Variants in ANKS1B observed in about 807,000 individuals in gnomAD.
ANKS1B encodes ankyrin repeat and sterile alpha motif domain-containing protein 1B.
A neutral mutation model predicts 148.3 loss-of-function variants in ANKS1B; 36 were observed. That is an observed-to-expected ratio of 0.24 (90% CI 0.19 to 0.32). ANKS1B has a LOEUF of 0.32. Among genes scored for constraint, ANKS1B ranks in the 10% least tolerant of loss-of-function variants. The pLI, the probability that ANKS1B is intolerant of heterozygous loss-of-function variation, is 1.00. For missense variants in ANKS1B, 1,157 were observed against 1,542.6 expected (o/e 0.75, Z 4.19); for synonymous variants, 542 against 560.8 (o/e 0.97, Z 0.47).
chr12:98,906,005 TA>T (rs1309858664), intron 17 of ANKS1B, among the ~76,000 whole-genome samples: 4 of 152,212 alleles, frequency 2.6e-5, no homozygotes, highest in African/African-American at 9.7e-5. Context: ...AGTGTTCCCT[TA>T]GAATGGAAAT....
chr12:98,742,892 A>AGAC (rs1223508583), downstream of ANKS1B, among the ~76,000 whole-genome samples: 5 of 152,228 alleles, frequency 3.3e-5, no homozygotes, highest in Admixed American at 3.3e-4. Context: ...TGCTGCATGT[A>AGAC]GACTCTGTGC....
chr12:99,632,727 CTATA>C (rs3081654), intron 9 of ANKS1B, among the ~76,000 whole-genome samples: 422 of 39,004 alleles, frequency 0.011, 9 homozygotes, highest in East Asian at 0.04. Context: ...CCTTTTCTTT[CTATA>C]TATATATATA....
intron 12 of ANKS1B, among the ~76,000 whole-genome samples, chr12:99,370,623 TA>T (rs1232912063): frequency 9.9e-5 from 15 of 152,200 alleles, no homozygotes; most frequent in Admixed American, 8.5e-4. Flanking sequence ...AATTGTTTGT[TA>T]ATAAGTACCT....
chr12:99,323,209 T>C (rs2085645314), intron 12 of ANKS1B, among the ~76,000 whole-genome samples: 1 of 152,226 alleles, frequency 6.6e-6, no homozygotes, highest in South Asian at 2.1e-4. Context: ...ATCTGTTCTA[T>C]TATGCTTCAT....
chr12:99,188,980 A>G (rs2080269210), intron 14 of ANKS1B, among the ~76,000 whole-genome samples: 3 of 152,212 alleles, frequency 2.0e-5, no homozygotes, highest in African/African-American at 7.2e-5. Context: ...GAATAATCAA[A>G]TAGACGCAAT....
At chr12:99,587,346 G>A (rs1567415419) in intron 9 of ANKS1B, among the ~76,000 whole-genome samples, 1 of 152,054 alleles carries the variant, frequency 6.6e-6, no homozygotes, top group Non-Finnish European at 1.5e-5. Context: ...AATATAAGCT[G>A]CAAAAAAGTA....
intron 12 of ANKS1B, among the ~76,000 whole-genome samples, chr12:99,332,264 GTTTGAGAAGCACTGA>G (rs1467773280): frequency 2.0e-5 from 3 of 152,026 alleles, no homozygotes; most frequent in Non-Finnish European, 4.4e-5. Context: ...GCACATTAAA[GTTTGAGAAGCACTGA>G]TCTACAACAT....
intron 17 of ANKS1B, among the ~76,000 whole-genome samples, chr12:98,976,938 T>C (rs898324433): frequency 6.6e-6 from 1 of 152,336 alleles, no homozygotes; most frequent in South Asian, 2.1e-4. Context: ...TTTCTTTTCA[T>C]GTCAGGTACA....
At chr12:99,078,616 A>C (rs947653003) in intron 16 of ANKS1B, among the ~76,000 whole-genome samples, 1 of 152,206 alleles carries the variant, frequency 6.6e-6, no homozygotes, top group Non-Finnish European at 1.5e-5. Flanking sequence ...GCCCAAGGAA[A>C]TAAAGGGTGT....
intron 10 of ANKS1B, among the ~76,000 whole-genome samples, chr12:99,452,077 T>C (rs2095750072): frequency 2.6e-5 from 4 of 152,114 alleles, no homozygotes; most frequent in Admixed American, 2.6e-4. Flanking sequence ...ATTTTTTCTG[T>C]AAAGGGCCAG....
At chr12:99,738,346 A>T (rs2059797792) in intron 8 of ANKS1B, among the ~76,000 whole-genome samples, 1 of 152,164 alleles carries the variant, frequency 6.6e-6, no homozygotes, top group African/African-American at 2.4e-5. Flanking sequence ...ATTACCAGGA[A>T]CAATACAGAA....
intron 17 of ANKS1B, among the ~76,000 whole-genome samples, chr12:98,851,999 G>A (rs1259547161): frequency 8.9e-5 from 11 of 123,938 alleles, no homozygotes; most frequent in African/African-American, 3.3e-4. Flanking sequence ...ACTCCAGCCT[G>A]GTGACAGAGC....
In ANKS1B at chr12:99,467,191, G is replaced by C. The variant is rs571490731; in HGVS notation, c.1439-23382C>G. 1.1e-4 allele frequency among the ~76,000 whole-genome samples: 16 copies of C among 152,072 alleles called. No individual in the cohort carries two copies. The South Asian group carries it at 2.9e-3, about 28-fold the overall frequency. ...TAAACAGAACCAAAGACAAAAACCA[G>C]GTGATTATCTCAATAGATGCAGAAA... On this transcript the variant is annotated intron_variant, in intron 10 of 26. Coordinates refer to ENST00000683438, the MANE Select transcript of ANKS1B (RefSeq NM_001352186.2).
chr12:99,223,274 T>C (rs563496653), intron 14 of ANKS1B, among the ~76,000 whole-genome samples: 10 of 152,218 alleles, frequency 6.6e-5, no homozygotes, highest in Non-Finnish European at 1.3e-4. Context: ...ACCGGTGTTA[T>C]GGAAGACAAT....
At chr12:99,792,058 G>C (rs2065721565) in intron 4 of ANKS1B, among the ~76,000 whole-genome samples, 1 of 151,770 alleles carries the variant, frequency 6.6e-6, no homozygotes, top group African/African-American at 2.4e-5. Context: ...AATGAAAAAG[G>C]AGACATTACA....
intron 15 of ANKS1B, among the ~76,000 whole-genome samples, chr12:99,091,292 A>G (rs1339353613): frequency 1.3e-5 from 2 of 152,282 alleles, no homozygotes; most frequent in Admixed American, 6.5e-5. Flanking sequence ...TTGAAACCCA[A>G]TTCCCCTTTG....
rs567203892 is a variant in ANKS1B at position 99,632,367 on chromosome 12, T to C, written c.1272+22700A>G. Among the ~76,000 whole-genome samples the C allele has an allele frequency of 3.3e-5, 5 of 151,998 alleles. No individual in the cohort carries two copies. In the South Asian group the frequency reaches 1.0e-3, roughly 32 times the overall value. ...AGGAGTGACCACAGACAGCCCCTGCTAGAGCAAGAAAAAGTGGAAATGTGG... is the reference window on the plus strand; with the variant it reads ...AGGAGTGACCACAGACAGCCCCTGCCAGAGCAAGAAAAAGTGGAAATGTGG... On this transcript the variant is annotated intron_variant, in intron 9 of 26. Transcript: ENST00000683438.
intron 1 of ANKS1B, among the ~76,000 whole-genome samples, chr12:99,867,377 A>G (rs2090899351): frequency 6.6e-6 from 1 of 152,180 alleles, no homozygotes. Context: ...CAATTATATC[A>G]GTCTATTTTC....
Position 98,801,686 on chromosome 12 carries a change from AT to A in ANKS1B, c.3142-562del, listed in dbSNP as rs1182467687. The stretch of plus-strand genomic sequence containing the variant: ...CTCTCATCTGAATTCAATTGCACTG[AT>A]TTAATGATGCTGTCTCAGATGGATT... On this transcript the variant is annotated intron_variant, in intron 20 of 26. Coordinates refer to ENST00000683438, the MANE Select transcript of ANKS1B (RefSeq NM_001352186.2). The surrounding 1 kb of genome is among the most constrained non-coding windows in gnomAD (Gnocchi z 5.2). Among the ~76,000 whole-genome samples, 3 of 152,236 alleles carry A rather than the reference AT, an allele frequency of 2.0e-5. No homozygotes were observed. The highest frequency in any genetic ancestry group is 4.8e-5 in the African/African-American group (2 of 41,462).
Sources: gnomAD v4.1 joint callset for allele counts (sites outside exome capture counted in the v4.1 genomes callset) on GRCh38, gnomAD v4.1.1 for gene constraint, Gnocchi (gnomAD v3.1) non-coding constraint, MANE v1.5 for transcripts, NCBI Gene and HGNC (gene_info 2026-07-23, HGNC 2026-07-21) for gene names.